MAGI1: variants seen among roughly 807,000 people sequenced by gnomAD.
MAGI1 encodes membrane-associated guanylate kinase, WW and PDZ domain-containing protein 1.
In MAGI1, 58 loss-of-function variants were observed where a neutral mutation model predicts 139.9. The observed-to-expected ratio is 0.41, with a 90% CI of 0.34 to 0.52. The LOEUF is 0.52. Among genes scored for constraint, MAGI1 ranks in the 20% least tolerant of loss-of-function variants. The pLI is 0.12. For synonymous variants in MAGI1, 812 were observed against 737.9 expected (o/e 1.10, Z -1.63); for missense variants, 1,874 against 1,901.6 (o/e 0.99, Z 0.27).
chr3:65,899,905 C>T (rs1200149854), intron 1 of MAGI1, among the ~76,000 whole-genome samples: 1 of 152,164 alleles, frequency 6.6e-6, no homozygotes, highest in Non-Finnish European at 1.5e-5. Flanking sequence ...AGTGAGAGTG[C>T]TAAGATGGCA....
At chr3:65,412,955 T>TACC (rs1163059725) in intron 12 of MAGI1, among the ~76,000 whole-genome samples, 1 of 152,192 alleles carries the variant, frequency 6.6e-6, no homozygotes, top group Non-Finnish European at 1.5e-5. Flanking sequence ...CAAGGATTCT[T>TACC]TGAGATCTAA....
At chr3:65,795,696 T>TACACACACACACACACACAC (rs10527666) in intron 1 of MAGI1, among the ~76,000 whole-genome samples, 6,538 of 138,798 alleles carry the variant, frequency 0.047, 274 homozygotes, top group Admixed American at 0.11. Context: ...GATGATAAGA[T>TACACACACACACACACACAC]ACACACACAC....
chr3:65,431,423 T>C (rs1299253043), intron 10 of MAGI1, among the ~76,000 whole-genome samples: 2 of 152,170 alleles, frequency 1.3e-5, no homozygotes, highest in South Asian at 2.1e-4. Flanking sequence ...GAATGACTAT[T>C]TTCAAAATTA....
rs774938423 is a variant in MAGI1, at chr3:65,375,883, G to A, written c.3058C>T (p.Arg1020Cys). 8.7e-6 allele frequency: 14 copies of A among 1,613,950 alleles called. No individual in the cohort carries two copies. The highest frequency in any genetic ancestry group is 6.7e-5 in the Admixed American group (4 of 59,990). Residue 1020 changes from arginine to cysteine, a missense_variant, in exon 18 of 23, where the codon CGC becomes TGC. By Grantham distance (180) the Arg-to-Cys change is radical (BLOSUM62 -3). Transcript: ENST00000402939. ...GRIIEGSPAD[R>C]CGKLKVGDRI... ...TCTCCTACTTTCAGCTTGCCACAGCGGTCAGCAGGGCTCCCCTCAATAATC... is the reference window on the plus strand; with the variant it reads ...TCTCCTACTTTCAGCTTGCCACAGCAGTCAGCAGGGCTCCCCTCAATAATC...
At chr3:65,664,850 T>C (rs977384295) in intron 1 of MAGI1, among the ~76,000 whole-genome samples, 24 of 152,188 alleles carry the variant, frequency 1.6e-4, no homozygotes, top group Admixed American at 1.6e-3. Flanking sequence ...TTTGTGCTTT[T>C]TGATGGTAAT....
intron 14 of MAGI1, among the ~76,000 whole-genome samples, chr3:65,387,448 G>C (rs966073858): frequency 5.3e-5 from 8 of 151,098 alleles, no homozygotes; most frequent in Non-Finnish European, 1.2e-4. Flanking sequence ...GCACCACTGA[G>C]AGTTTCCTAT....
chr3:65,549,629 C>T, intron 2 of MAGI1: 1 of 236,406 alleles, frequency 4.2e-6, no homozygotes, highest in Non-Finnish European at 6.9e-6. Flanking sequence ...GCGGCTGGTA[C>T]CCCTCTACAC....
chr3:65,910,482 C>T (rs2061610783), intron 1 of MAGI1, among the ~76,000 whole-genome samples: 1 of 152,150 alleles, frequency 6.6e-6, no homozygotes, highest in African/African-American at 2.4e-5. Context: ...AGTACGCCAC[C>T]ATTGCAAATG....
At chr3:65,425,327 TCTAA>T (rs1479452000) in intron 12 of MAGI1, among the ~76,000 whole-genome samples, 3 of 152,012 alleles carry the variant, frequency 2.0e-5, no homozygotes, top group Non-Finnish European at 4.4e-5. Flanking sequence ...TTTTCAGAAG[TCTAA>T]CTAAGCTCAG....
At chr3:65,806,512 C>T (rs2040863142) in intron 1 of MAGI1, among the ~76,000 whole-genome samples, 1 of 152,164 alleles carries the variant, frequency 6.6e-6, no homozygotes, top group South Asian at 2.1e-4. Flanking sequence ...GTTACTGTAC[C>T]TCACTTCCGT....
intron 1 of MAGI1, among the ~76,000 whole-genome samples, chr3:65,899,113 C>T (rs545267707): frequency 2.0e-5 from 3 of 152,064 alleles, no homozygotes; most frequent in South Asian, 2.1e-4. Flanking sequence ...AGACGGGTTT[C>T]GCCATGTTGC....
rs58414792 is a variant in MAGI1 at position 65,754,310 on chromosome 3, A to T, written c.314-132222T>A. ...ATTAATTTCCATCCTCATTCAAGTG[A>T]TGTAGGAAAAAAATAATGAGCTAAT... On this transcript the variant is annotated intron_variant, in intron 1 of 22. Transcript: ENST00000402939. Among the ~76,000 whole-genome samples the T allele has an allele frequency of 5.6e-3, 851 of 152,278 alleles. 9 individuals carry two copies. The highest frequency in any genetic ancestry group is 0.02 in the African/African-American group (811 of 41,554).
intron 2 of MAGI1, among the ~76,000 whole-genome samples, chr3:65,607,935 A>G (rs2082837036): frequency 6.6e-6 from 1 of 152,212 alleles, no homozygotes; most frequent in African/African-American, 2.4e-5. Context: ...TGTTCACCTA[A>G]TTTAAGAATA....
chr3:65,603,200 C>A (rs984717921), intron 2 of MAGI1, among the ~76,000 whole-genome samples: 1 of 152,016 alleles, frequency 6.6e-6, no homozygotes, highest in Non-Finnish European at 1.5e-5. Flanking sequence ...AAGTGTGATA[C>A]CCTTTATACA....
chr3:65,451,925 G>A (rs574890116), intron 6 of MAGI1, among the ~76,000 whole-genome samples: 1 of 152,174 alleles, frequency 6.6e-6, no homozygotes, highest in African/African-American at 2.4e-5. Context: ...TGAGATTACA[G>A]GTATGAGCCA....
Position 65,982,705 on chromosome 3 carries a change from T to C in MAGI1, c.313+55291A>G, listed in dbSNP as rs553458732. Among the ~76,000 whole-genome samples the C allele has an allele frequency of 5.4e-4, 82 of 152,212 alleles. 2 individuals carry two copies. The highest frequency in any genetic ancestry group is 3.4e-3 in the Middle Eastern group (1 of 294). ...ATAGGGCTCATGTGTAACATCGTAATGATTGTATTGTCATTTCAGTCACCA... is the reference window on the plus strand; with the variant it reads ...ATAGGGCTCATGTGTAACATCGTAACGATTGTATTGTCATTTCAGTCACCA... On this transcript the variant is annotated intron_variant, in intron 1 of 22. Transcript: ENST00000402939.
intron 7 of MAGI1, among the ~76,000 whole-genome samples, chr3:65,444,641 G>C (rs370518162): frequency 6.6e-6 from 1 of 152,090 alleles, no homozygotes; most frequent in Admixed American, 6.6e-5. Flanking sequence ...AAAGACAAAC[G>C]CAAGTGCATC....
intron 1 of MAGI1, among the ~76,000 whole-genome samples, chr3:65,771,838 C>T (rs1382906894): frequency 1.3e-5 from 2 of 152,204 alleles, no homozygotes; most frequent in Non-Finnish European, 2.9e-5. Flanking sequence ...AGTCTGAAGT[C>T]CATTCTATGA....
intron 1 of MAGI1, among the ~76,000 whole-genome samples, chr3:65,864,779 C>G (rs2059665934): frequency 6.6e-6 from 1 of 152,144 alleles, no homozygotes; most frequent in African/African-American, 2.4e-5. Context: ...TATGGAAGTC[C>G]TGCCTACTCA....
Sources: gnomAD v4.1 joint callset for allele counts (sites outside exome capture counted in the v4.1 genomes callset) on GRCh38, gnomAD v4.1.1 for gene constraint, MANE v1.5 for transcripts, NCBI Gene and HGNC (gene_info 2026-07-23, HGNC 2026-07-21) for gene names.